Variants in MTHFD1L observed in about 807,000 individuals in gnomAD.
MTHFD1L encodes monofunctional C1-tetrahydrofolate synthase, mitochondrial.
A neutral mutation model predicts 119.5 loss-of-function variants in MTHFD1L; 81 were observed. That is an observed-to-expected ratio of 0.68 (90% CI 0.57 to 0.82). MTHFD1L has a LOEUF of 0.82. MTHFD1L is among the 40% of genes least tolerant of loss of function. The probability of loss-of-function intolerance (pLI) is 0.00; values close to 1 mark genes in which losing one functional copy is unlikely to be tolerated. For missense variants in MTHFD1L, 1,125 were observed against 1,253.4 expected (o/e 0.90, Z 1.55); for synonymous variants, 430 against 475.2 (o/e 0.90, Z 1.24).
At chr6:150,959,126 A>G in intron 17 of MTHFD1L, 5 of 895,584 alleles carry the variant, frequency 5.6e-6, no homozygotes, top group Non-Finnish European at 5.3e-6. Context: ...TGAGAATGTA[A>G]TAATTGAATA....
chr6:151,020,491 G>C (rs1783800450), intron 24 of MTHFD1L, among the ~76,000 whole-genome samples: 1 of 150,640 alleles, frequency 6.6e-6, no homozygotes. Flanking sequence ...AGAACAATTT[G>C]GCATCTCTTT....
chr6:151,066,682 G>A (rs1356704391), intron 26 of MTHFD1L, among the ~76,000 whole-genome samples: 1 of 151,006 alleles, frequency 6.6e-6, no homozygotes, highest in Non-Finnish European at 1.5e-5. Context: ...GGAGAATGGC[G>A]TGAACCCGGG....
At chr6:150,974,714 A>G (rs1363878809) in intron 20 of MTHFD1L, among the ~76,000 whole-genome samples, 1 of 141,894 alleles carries the variant, frequency 7.0e-6, no homozygotes, top group Non-Finnish European at 1.5e-5. Flanking sequence ...CAGGCGTCAG[A>G]ATTCTCTTCC....
intron 20 of MTHFD1L, among the ~76,000 whole-genome samples, chr6:150,987,062 A>G (rs1024595216): frequency 7.6e-4 from 116 of 152,330 alleles, no homozygotes; most frequent in African/African-American, 2.7e-3. Context: ...AACAGAAACA[A>G]GGCTTTTAAT....
chr6:150,969,793 G>T (rs1797770944), intron 19 of MTHFD1L, among the ~76,000 whole-genome samples: 2 of 152,170 alleles, frequency 1.3e-5, no homozygotes, highest in Non-Finnish European at 2.9e-5. Flanking sequence ...CTTGGGTTTT[G>T]TTTCTGCATC....
chr6:151,030,128 G>T (rs1000146840), intron 24 of MTHFD1L, among the ~76,000 whole-genome samples: 2 of 152,188 alleles, frequency 1.3e-5, no homozygotes, highest in South Asian at 4.1e-4. Flanking sequence ...GACTCAACGT[G>T]TGCAGTACAG....
intron 7 of MTHFD1L, among the ~76,000 whole-genome samples, chr6:150,903,043 A>C (rs1430264041): frequency 2.6e-5 from 4 of 152,070 alleles, no homozygotes; most frequent in African/African-American, 7.3e-5. Flanking sequence ...TATATAAATG[A>C]AGAAATAAAA....
intron 24 of MTHFD1L, among the ~76,000 whole-genome samples, chr6:151,033,121 CTTT>C (rs1219393561): frequency 6.4e-5 from 9 of 141,624 alleles, no homozygotes; most frequent in Non-Finnish European, 3.1e-5. Flanking sequence ...CATATGCTTT[CTTT>C]TTTTTTTTTT....
At chr6:151,099,483 C>T (rs1478313312) in intron 27 of MTHFD1L, 18 of 1,214,838 alleles carry the variant, frequency 1.5e-5, no homozygotes, top group Middle Eastern at 1.9e-4. Flanking sequence ...CTCTCTTCCT[C>T]GGCGCTGCCT....
intron 26 of MTHFD1L, among the ~76,000 whole-genome samples, chr6:151,070,605 G>A (rs1025373158): frequency 1.3e-5 from 2 of 152,082 alleles, no homozygotes; most frequent in Non-Finnish European, 2.9e-5. Context: ...AGACCACATG[G>A]TCTCTGTCCT....
intron 20 of MTHFD1L, among the ~76,000 whole-genome samples, chr6:151,006,427 G>T (rs1781401603): frequency 6.6e-6 from 1 of 152,098 alleles, no homozygotes; most frequent in African/African-American, 2.4e-5. Flanking sequence ...GGCAGGGAGT[G>T]TGAAGGAAGA....
chr6:150,865,739 GCCGCCGCCTGCTCCCCTGGCACGCGCC>G lies in MTHFD1L; in HGVS notation c.-75_-49del. 2.6e-6 allele frequency: 3 copies of G among 1,146,362 alleles called. No homozygotes were observed. The highest frequency in any genetic ancestry group is 3.2e-6 in the Non-Finnish European group (3 of 929,976). The allele number at this position is 1,146,362 out of a possible 1,614,324, so 71.0% of individuals were successfully genotyped here. A position where few individuals can be genotyped will look rare whatever the true frequency, so the allele number is the denominator to read the frequency against. The stretch of plus-strand genomic sequence containing the variant: ...GGTCCTTCCCGCCGCCGCCGCCGCC[GCCGCCGCCTGCTCCCCTGGCACGCGCC>G]CCGCCGCCCTCGGCAGCCGCAGCTC... On this transcript the variant is annotated 5_prime_UTR_variant, in exon 1 of 28. Coordinates refer to ENST00000367321, the MANE Select transcript of MTHFD1L (RefSeq NM_015440.5).
intron 18 of MTHFD1L, among the ~76,000 whole-genome samples, chr6:150,964,137 A>T (rs531038436): frequency 6.6e-6 from 1 of 152,316 alleles, no homozygotes; most frequent in Admixed American, 6.5e-5. Flanking sequence ...GGCAACAGAG[A>T]GAGATTCCGT....
intron 26 of MTHFD1L, among the ~76,000 whole-genome samples, chr6:151,060,464 T>A (rs566993374): frequency 4.9e-4 from 74 of 152,176 alleles, no homozygotes; most frequent in African/African-American, 1.7e-3. Flanking sequence ...GCACACAAGT[T>A]AAATATAGAG....
chr6:151,094,088 A>T (rs372912395), intron 27 of MTHFD1L, among the ~76,000 whole-genome samples: 1 of 152,184 alleles, frequency 6.6e-6, no homozygotes, highest in East Asian at 1.9e-4. Context: ...TGAAAGGCTC[A>T]GGGCTGCTTC....
At chr6:151,004,890 A>G (rs1444912519) in intron 20 of MTHFD1L, among the ~76,000 whole-genome samples, 1 of 152,220 alleles carries the variant, frequency 6.6e-6, no homozygotes, top group Non-Finnish European at 1.5e-5. Context: ...TGTGCAAACA[A>G]TTTATTACAA....
intron 20 of MTHFD1L, among the ~76,000 whole-genome samples, chr6:151,009,440 A>G (rs1781905829): frequency 6.6e-6 from 1 of 152,072 alleles, no homozygotes; most frequent in African/African-American, 2.4e-5. Flanking sequence ...AGGCTGAGTC[A>G]GGAGAATCGC....
At chr6:150,986,735 C>T (rs114563659) in intron 20 of MTHFD1L, among the ~76,000 whole-genome samples, 272 of 151,968 alleles carry the variant, frequency 1.8e-3, no homozygotes, top group African/African-American at 6.3e-3. Flanking sequence ...GATCAAGTCT[C>T]ACTCTGTCGC....
chr6:150,995,051 C>T (rs1779633369), intron 20 of MTHFD1L, among the ~76,000 whole-genome samples: 2 of 152,046 alleles, frequency 1.3e-5, no homozygotes, highest in South Asian at 2.1e-4. Flanking sequence ...ATATTTTTGT[C>T]AGGCTGAGGA....
Sources: gnomAD v4.1 joint callset for allele counts (sites outside exome capture counted in the v4.1 genomes callset) on GRCh38, gnomAD v4.1.1 for gene constraint, MANE v1.5 for transcripts, NCBI Gene and HGNC (gene_info 2026-07-23, HGNC 2026-07-21) for gene names.